Variants in PREX1 observed in about 807,000 individuals in gnomAD.
PREX1 encodes phosphatidylinositol 3,4,5-trisphosphate-dependent Rac exchanger 1 protein.
Under a neutral mutation model 198.3 loss-of-function variants are expected in PREX1, and 41 were observed. The observed-to-expected ratio is 0.21, with a 90% CI of 0.16 to 0.27. PREX1 has a LOEUF of 0.27. Ranked by LOEUF, PREX1 falls within the 10% of genes least tolerant of loss-of-function variation. The pLI, the probability that PREX1 is intolerant of heterozygous loss-of-function variation, is 1.00. For missense variants in PREX1, 1,620 were observed against 2,200.7 expected, an observed-to-expected ratio of 0.74 and a Z score of 5.28; for synonymous variants, 843 against 887.2, an observed-to-expected ratio of 0.95 and a Z score of 0.89.
rs73909721 is a variant in PREX1 at position 48,786,991 on chromosome 20, A to T, written c.220-39111T>A. On this transcript the variant is annotated intron_variant, in intron 1 of 39. Transcript: ENST00000371941. ...TCCCAGCCCCCCCTCCCCACAACAC[A>T]CTCCAAGAACCTCTCAGAAGCCCCC... Among the ~76,000 whole-genome samples, 1,231 of 131,824 alleles carry T rather than the reference A, an allele frequency of 9.3e-3. 10 individuals carry two copies. The highest frequency in any genetic ancestry group is 0.033 in the African/African-American group (1,162 of 35,752). 86.5% of individuals were successfully genotyped at this position (131,824 alleles called of 152,430 possible). A position where few individuals can be genotyped will look rare whatever the true frequency, so the allele number is the denominator to read the frequency against.
chr20:48,748,884 A>G (rs2090121552), intron 1 of PREX1, among the ~76,000 whole-genome samples: 1 of 152,162 alleles, frequency 6.6e-6, no homozygotes, highest in African/African-American at 2.4e-5. Flanking sequence ...AAAGTCTCCC[A>G]GTTTTGAAGT....
At chr20:48,886,789 G>A in the PREX1 span, among the ~76,000 whole-genome samples, 4 of 152,082 alleles carry the variant, frequency 2.6e-5, no homozygotes, top group Admixed American at 1.3e-4. Flanking sequence ...ACCATGTTAC[G>A]GATGAAGAAA....
intron 6 of PREX1, among the ~76,000 whole-genome samples, chr20:48,703,905 A>G (rs1199960203): frequency 6.6e-6 from 1 of 152,200 alleles, no homozygotes; most frequent in African/African-American, 2.4e-5. Flanking sequence ...GGGTGGTGCT[A>G]GGGGTTGGAT....
Position 48,745,229 on chromosome 20 carries a change from G to A in PREX1, c.292-82C>T, listed in dbSNP as rs527398036. On this transcript the variant is annotated intron_variant, in intron 2 of 39. Coordinates refer to ENST00000371941, the MANE Select transcript of PREX1 (RefSeq NM_020820.4). ...CAAGCACTGAAAAAATACAAACCTC[G>A]GTGCGGGTGACATTGTAGTCAAAGA... 2.5e-4 allele frequency: 357 copies of A among 1,443,048 alleles called. 1 individual carries two copies. Among genetic ancestry groups the A allele is most frequent in the Non-Finnish European group, 3.2e-4 (345 of 1,067,820 alleles). The allele number at this position is 1,443,048 out of a possible 1,614,324, so 89.4% of individuals were successfully genotyped here.
At chr20:48,643,054 G>A (rs1445593336) in intron 27 of PREX1, among the ~76,000 whole-genome samples, 1 of 152,214 alleles carries the variant, frequency 6.6e-6, no homozygotes, top group Non-Finnish European at 1.5e-5. Flanking sequence ...GACAGCCTGA[G>A]AACCAAGGGT....
intron 33 of PREX1, 38 bp from the exon 34 acceptor site, chr20:48,632,677 G>GGATGACTCACCACCGAA (rs1475325174): frequency 6.2e-7 from 1 of 1,610,590 alleles, no homozygotes; most frequent in East Asian, 2.2e-5. Flanking sequence ...TCACCACCGA[G>GGATGACTCACCACCGAA]GCCAAGGCCA....
At chr20:48,638,434 A>G (rs1049234676) in intron 30 of PREX1, among the ~76,000 whole-genome samples, 1 of 152,202 alleles carries the variant, frequency 6.6e-6, no homozygotes, top group South Asian at 2.1e-4. Context: ...AAAAAGCTCA[A>G]TTCTTCCAGG....
intron 1 of PREX1, among the ~76,000 whole-genome samples, chr20:48,788,885 T>TA (rs558277943): frequency 7.6e-4 from 115 of 152,292 alleles, no homozygotes; most frequent in South Asian, 5.8e-3. Flanking sequence ...GCTGGCGTGT[T>TA]AGTGTGCTCA....
At chr20:48,692,479 G>A (rs2089824319) in intron 8 of PREX1, 193 bp downstream of exon 8, 1 of 514,488 alleles carries the variant, frequency 1.9e-6, no homozygotes, top group Non-Finnish European at 3.5e-6. Flanking sequence ...GATTTGGGGT[G>A]CAGTGTTTTA....
At chr20:48,887,816 G>A in the PREX1 span, among the ~76,000 whole-genome samples, 24 of 151,860 alleles carry the variant, frequency 1.6e-4, no homozygotes, top group Non-Finnish European at 3.2e-4. Context: ...CGGGCGTGGT[G>A]GCGGGCTCCT....
At chr20:48,826,622 A>G (rs1293984820) in intron 1 of PREX1, among the ~76,000 whole-genome samples, 2 of 152,174 alleles carry the variant, frequency 1.3e-5, no homozygotes, top group African/African-American at 4.8e-5. Context: ...TTGGAGGCCG[A>G]GGTCGGCGGA....
At chr20:48,641,317 G>C (rs987926752) in intron 29 of PREX1, among the ~76,000 whole-genome samples, 1 of 152,138 alleles carries the variant, frequency 6.6e-6, no homozygotes, top group African/African-American at 2.4e-5. Context: ...TTTCGTTGCC[G>C]TTGTTTGCAT....
intron 5 of PREX1, among the ~76,000 whole-genome samples, chr20:48,725,312 A>T (rs2090004938): frequency 6.6e-6 from 1 of 152,232 alleles, no homozygotes; most frequent in Non-Finnish European, 1.5e-5. Flanking sequence ...TCCGGCCAAT[A>T]GCCATTTTGT....
intron 27 of PREX1, among the ~76,000 whole-genome samples, chr20:48,642,954 G>C (rs1462205577): frequency 6.6e-6 from 1 of 152,122 alleles, no homozygotes; most frequent in African/African-American, 2.4e-5. Flanking sequence ...TTTTTCTTCT[G>C]TTAATTGAAG....
At chr20:48,818,851 G>A (rs1012099283) in intron 1 of PREX1, among the ~76,000 whole-genome samples, 2 of 152,242 alleles carry the variant, frequency 1.3e-5, no homozygotes, top group African/African-American at 4.8e-5. Context: ...CCCAGAGGCA[G>A]CTGCCTTCAC....
chr20:48,813,876 T>A (rs1308711466), intron 1 of PREX1, among the ~76,000 whole-genome samples: 2 of 152,208 alleles, frequency 1.3e-5, no homozygotes, highest in Non-Finnish European at 2.9e-5. Flanking sequence ...CGCCTGTAGC[T>A]GAACAGACAT....
intron 32 of PREX1, among the ~76,000 whole-genome samples, chr20:48,635,568 C>T (rs1201137655): frequency 1.3e-5 from 2 of 152,188 alleles, no homozygotes; most frequent in Admixed American, 1.3e-4. Flanking sequence ...GGTCCCTCTA[C>T]CCCGCACACT....
chr20:48,813,047 A>C (rs547211572), intron 1 of PREX1, among the ~76,000 whole-genome samples: 5 of 152,308 alleles, frequency 3.3e-5, no homozygotes, highest in South Asian at 4.1e-4. Context: ...TGGGCGTCCT[A>C]GGGAGCCGGC....
chr20:48,630,870 C>T (rs2089308935), intron 35 of PREX1, 76 bp from the exon 36 acceptor site: 3 of 1,135,766 alleles, frequency 2.6e-6, no homozygotes, highest in South Asian at 2.5e-5. Context: ...GTCTCAACTC[C>T]TGCAGCCACC....
Sources: gnomAD v4.1 joint callset for allele counts (sites outside exome capture counted in the v4.1 genomes callset) on GRCh38, gnomAD v4.1.1 for gene constraint, MANE v1.5 for transcripts, NCBI Gene and HGNC (gene_info 2026-07-23, HGNC 2026-07-21) for gene names.